Variants in XPO6 observed in about 807,000 individuals in gnomAD.
XPO6 encodes exportin-6.
Under a neutral mutation model 130.0 loss-of-function variants are expected in XPO6, and 3 were observed. The observed-to-expected ratio is 0.02, with a 90% confidence interval of 0.01 to 0.06. The LOEUF is 0.06. Among genes scored for constraint, XPO6 ranks in the 10% least tolerant of loss-of-function variants. The pLI is 1.00. For synonymous variants in XPO6, 524 were observed against 548.9 expected (o/e 0.95, Z 0.63); for missense variants, 970 against 1,393.0 (o/e 0.70, Z 4.83).
intron 1 of XPO6, among the ~76,000 whole-genome samples, chr16:28,197,687 C>T (rs1250682793): frequency 6.6e-6 from 1 of 151,800 alleles, no homozygotes; most frequent in Non-Finnish European, 1.5e-5. Flanking sequence ...GAGGCCCGGG[C>T]AGGCAGATCA....
chr16:28,122,422 G>C (rs1310563359), intron 13 of XPO6, among the ~76,000 whole-genome samples: 1 of 152,094 alleles, frequency 6.6e-6, no homozygotes, highest in African/African-American at 2.4e-5. Context: ...AGGAGTTCAA[G>C]ACCAGCCTGG....
At chr16:28,146,465 A>C (rs1415794261) in intron 8 of XPO6, among the ~76,000 whole-genome samples, 1 of 152,204 alleles carries the variant, frequency 6.6e-6, no homozygotes, top group Non-Finnish European at 1.5e-5. Flanking sequence ...AGTCAAGCAA[A>C]AACCTATCTT....
intron 6 of XPO6, among the ~76,000 whole-genome samples, chr16:28,161,231 A>G (rs1171124299): frequency 6.6e-6 from 1 of 152,260 alleles, no homozygotes; most frequent in Non-Finnish European, 1.5e-5. Flanking sequence ...GGGAATAAAA[A>G]TGACAAACAA....
chr16:28,152,072 T>G (rs2043101522), intron 8 of XPO6, among the ~76,000 whole-genome samples: 2 of 117,194 alleles, frequency 1.7e-5, no homozygotes, highest in South Asian at 2.6e-4. Context: ...TATATATTTT[T>G]TATGTGTGTG....
chr16:28,196,890 G>A (rs879563384), intron 1 of XPO6, among the ~76,000 whole-genome samples: 3 of 152,120 alleles, frequency 2.0e-5, no homozygotes, highest in Non-Finnish European at 2.9e-5. Context: ...CTTACCACAT[G>A]CCCAATCTTG....
intron 1 of XPO6, among the ~76,000 whole-genome samples, chr16:28,202,624 T>C (rs2043970852): frequency 6.6e-6 from 1 of 152,046 alleles, no homozygotes; most frequent in Non-Finnish European, 1.5e-5. Flanking sequence ...AGCTAGAAAA[T>C]GAGGTCATTA....
At chr16:28,179,901 ATC>A (rs1446244101) in intron 2 of XPO6, among the ~76,000 whole-genome samples, 2 of 152,224 alleles carry the variant, frequency 1.3e-5, no homozygotes, top group Non-Finnish European at 2.9e-5. Flanking sequence ...GGCTACTTAA[ATC>A]TCTTTTAAGA....
chr16:28,197,233 CAGAG>C (rs896951456), intron 1 of XPO6, among the ~76,000 whole-genome samples: 1 of 151,954 alleles, frequency 6.6e-6, no homozygotes, highest in African/African-American at 2.4e-5. Flanking sequence ...GCCTGGGTGA[CAGAG>C]AGAGACTCTG....
intron 7 of XPO6, chr16:28,154,112 G>A: frequency 1.0e-6 from 1 of 985,052 alleles, no homozygotes; most frequent in Non-Finnish European, 1.2e-6. Flanking sequence ...CTTCTCTCTG[G>A]TGTCATCAAT....
chr16:28,124,971 C>T (rs1222154216), intron 13 of XPO6, among the ~76,000 whole-genome samples: 1 of 152,192 alleles, frequency 6.6e-6, no homozygotes, highest in Non-Finnish European at 1.5e-5. Context: ...CAACAGCTGC[C>T]TTGAAATGAT....
At chr16:28,110,887 G>C (rs1196846816) in intron 17 of XPO6, among the ~76,000 whole-genome samples, 1 of 152,232 alleles carries the variant, frequency 6.6e-6, no homozygotes, top group Non-Finnish European at 1.5e-5. Flanking sequence ...CAAGGCAAGA[G>C]CCTAGTACAC....
chr16:28,110,474 C>A (rs1189525756), intron 17 of XPO6, among the ~76,000 whole-genome samples: 1 of 152,230 alleles, frequency 6.6e-6, no homozygotes, highest in Non-Finnish European at 1.5e-5. Flanking sequence ...ACTCTGCTGA[C>A]CCAAGCTGGA....
chr16:28,208,308 A>G (rs1050064778), intron 1 of XPO6, among the ~76,000 whole-genome samples: 2 of 152,230 alleles, frequency 1.3e-5, no homozygotes, highest in African/African-American at 4.8e-5. Flanking sequence ...GCCAACTAAT[A>G]CCCTTAAAAG....
At chr16:28,171,286 C>T (rs11862831) in intron 4 of XPO6, among the ~76,000 whole-genome samples, 2 of 151,606 alleles carry the variant, frequency 1.3e-5, no homozygotes, top group African/African-American at 2.4e-5. Context: ...AACTCCATCT[C>T]TACTAAAAAT....
chr16:28,178,582 C>T (rs1386344369), intron 2 of XPO6, among the ~76,000 whole-genome samples: 3 of 139,308 alleles, frequency 2.2e-5, no homozygotes, highest in South Asian at 2.6e-4. Context: ...TGAGACACCA[C>T]GCACAGATGG....
Position 28,156,171 on chromosome 16 carries a change from G to C in XPO6, c.1000C>G (p.Leu334Val). The C allele has an allele frequency of 6.2e-7, 1 of 1,614,148 alleles. No homozygotes were observed. The highest frequency in any genetic ancestry group is 8.5e-7 in the Non-Finnish European group (1 of 1,180,034). ...TAGAAAGTCTGCTGGAACATACGCA[G>C]TAAATACTCCTCAAATTCCATAGGC... ...CVPMEFEEYL[L>V]RMFQQTFYLL... Residue 334 changes from leucine (L) to valine (V), a missense_variant, in exon 7 of 24, where the codon CTG becomes GTG. Physicochemically the swap from Leu to Val is conservative, Grantham distance 32 (BLOSUM62 1). Around this residue, in one of 4 missense-constraint regions of XPO6, gnomAD observed 936 missense variants for 1,306.8 expected, o/e 0.72. Transcript: ENST00000304658.
intron 15 of XPO6, among the ~76,000 whole-genome samples, chr16:28,114,616 G>C (rs1052501619): frequency 1.3e-5 from 2 of 152,344 alleles, no homozygotes; most frequent in South Asian, 4.1e-4. Flanking sequence ...TTTTGCTGGT[G>C]AAGGGTCTTC....
Position 28,121,656 on chromosome 16 carries a change from A to G in XPO6, c.1859+14T>C. ...CTTTCCTAAAAATGCACAAACATCAAACTCTAGACTTACACATCAATGAGG... is the reference window on the plus strand; with the variant it reads ...CTTTCCTAAAAATGCACAAACATCAGACTCTAGACTTACACATCAATGAGG... On this transcript the variant is annotated intron_variant, in intron 14 of 23. Coordinates refer to ENST00000304658, the MANE Select transcript of XPO6 (RefSeq NM_015171.4). 1 of 1,586,440 alleles carries G rather than the reference A, an allele frequency of 6.3e-7. No individual in the cohort carries two copies. The highest frequency in any genetic ancestry group is 1.1e-5 in the South Asian group (1 of 90,416).
At chr16:28,180,886 C>A in intron 2 of XPO6, 55 bp downstream of exon 2, 1 of 1,446,040 alleles carries the variant, frequency 6.9e-7, no homozygotes, top group Non-Finnish European at 9.6e-7. Flanking sequence ...CTCCTTCCTC[C>A]CTACCAGGGC....
Sources: gnomAD v4.1 joint callset for allele counts (sites outside exome capture counted in the v4.1 genomes callset) on GRCh38, gnomAD v4.1.1 for gene constraint, gnomAD v4.1.1 regional missense constraint, MANE v1.5 for transcripts, NCBI Gene and HGNC (gene_info 2026-07-23, HGNC 2026-07-21) for gene names.